NBN: variants seen among roughly 807,000 people sequenced by gnomAD.
NBN encodes nibrin.
A neutral mutation model predicts 90.8 loss-of-function variants in NBN; 88 were observed. The observed-to-expected ratio is 0.97, with a 90% CI of 0.82 to 1.16. The LOEUF is 1.16. NBN is among the 50% of genes most tolerant of loss of function. The pLI is 0.00. For synonymous variants in NBN, 328 were observed against 295.1 expected (o/e 1.11, Z -1.14); for missense variants, 894 against 869.6 (o/e 1.03, Z -0.35).
chr8:89,971,709 A>G (rs1811524903), intron 5 of NBN, among the ~76,000 whole-genome samples: 1 of 152,218 alleles, frequency 6.6e-6, no homozygotes. Flanking sequence ...TTCTACTAGC[A>G]CAATCTATTA....
chr8:89,981,735 C>T lies in NBN; in HGVS notation c.172-212G>A. On this transcript the variant is annotated intron_variant, in intron 2 of 15. Transcript: ENST00000265433. ...AGTTTCTTAACCCAGGAATACCCCT[C>T]CTAGAACACACATGTTCTTTATTTG... The T allele has an allele frequency of 1.4e-5, 8 of 581,112 alleles. 1 individual carries two copies. The South Asian group carries it at 1.6e-4, about 12-fold the overall frequency. The allele number at this position is 581,112 out of a possible 1,614,324, so 36.0% of individuals were successfully genotyped here. A position where few individuals can be genotyped will look rare whatever the true frequency, so the allele number is the denominator to read the frequency against.
At chr8:89,960,215 A>G (rs1287340156) in intron 8 of NBN, among the ~76,000 whole-genome samples, 1 of 152,234 alleles carries the variant, frequency 6.6e-6, no homozygotes, top group African/African-American at 2.4e-5. Flanking sequence ...AAATTCAGAT[A>G]TTTAAATGAC....
chr8:89,972,584 C>A (rs972435243), intron 5 of NBN, among the ~76,000 whole-genome samples: 34 of 152,188 alleles, frequency 2.2e-4, no homozygotes, highest in African/African-American at 8.0e-4. Flanking sequence ...AGTAGACATT[C>A]GGACACATAA....
At chr8:89,972,578 G>C (rs1811566488) in intron 5 of NBN, among the ~76,000 whole-genome samples, 1 of 152,232 alleles carries the variant, frequency 6.6e-6, no homozygotes, top group South Asian at 2.1e-4. Flanking sequence ...AAAGTTAGTA[G>C]ACATTCGGAC....
intron 7 of NBN, among the ~76,000 whole-genome samples, chr8:89,965,676 G>C (rs1811221629): frequency 6.6e-6 from 1 of 152,060 alleles, no homozygotes; most frequent in Non-Finnish European, 1.5e-5. Flanking sequence ...TTTTAGTAGA[G>C]ATGGGGTTTC....
intron 7 of NBN, among the ~76,000 whole-genome samples, chr8:89,966,091 T>C (rs1211850730): frequency 2.0e-5 from 3 of 152,218 alleles, no homozygotes; most frequent in African/African-American, 7.2e-5. Flanking sequence ...AATAATGCTC[T>C]ACAGAAATTA....
chr8:89,955,176 C>T, intron 10 of NBN, 107 bp downstream of exon 10: 1 of 1,114,496 alleles, frequency 9.0e-7, no homozygotes, highest in African/African-American at 1.6e-5. Flanking sequence ...GCTGCAGCAG[C>T]AGAAGCATAC....
chr8:89,946,365 G>A (rs996095344), intron 12 of NBN, 70 bp from the exon 13 acceptor site: 1 of 1,383,714 alleles, frequency 7.2e-7, no homozygotes. Context: ...TGTCATTTGG[G>A]AATCTATAGA....
intron 11 of NBN, among the ~76,000 whole-genome samples, chr8:89,949,227 G>A (rs993835850): frequency 6.6e-6 from 1 of 152,142 alleles, no homozygotes; most frequent in Non-Finnish European, 1.5e-5. Flanking sequence ...TGTGACCTTG[G>A]CAAGTTACTT....
At chr8:89,982,923 A>ATACACT in intron 1 of NBN, 68 bp from the exon 2 acceptor site, 3 of 1,461,246 alleles carry the variant, frequency 2.1e-6, no homozygotes, top group Non-Finnish European at 2.9e-6. Context: ...GAACACACAC[A>ATACACT]TACATGTAAG....
chr8:89,970,940 T>G (rs1224247124), intron 6 of NBN, among the ~76,000 whole-genome samples: 1 of 152,228 alleles, frequency 6.6e-6, no homozygotes, highest in Non-Finnish European at 1.5e-5. Context: ...CTAAGTTTCC[T>G]GTCCTTCTCA....
chr8:89,982,896 CACAT>C (rs1222349856), intron 1 of NBN, 41 bp from the exon 2 acceptor site: 7 of 1,588,232 alleles, frequency 4.4e-6, no homozygotes, highest in Middle Eastern at 1.7e-4. Context: ...AGTTGATAGA[CACAT>C]ACACATGTAC....
At chr8:89,953,823 T>A in intron 10 of NBN, 132 bp from the exon 11 acceptor site, 1 of 732,018 alleles carries the variant, frequency 1.4e-6, no homozygotes, top group Non-Finnish European at 2.2e-6. Context: ...ACAATATTAC[T>A]GGAAATCAAC....
At position 89,984,661 on chromosome 8, in the gene NBN, C is replaced by A; in HGVS notation, c.-100G>T. The A allele has an allele frequency of 1.3e-6, 2 of 1,541,508 alleles. No homozygotes were observed. Among genetic ancestry groups the A allele is most frequent in the Non-Finnish European group, 1.8e-6 (2 of 1,136,352 alleles). On this transcript the variant is annotated 5_prime_UTR_variant, in exon 1 of 16. Transcript: ENST00000265433. ...CCTGCGGTCGGCATGGGCTCCGGGA[C>A]GTGCGCGCTCCCGGGAGCCACGCAG...
chr8:89,949,794 G>T (rs1035244581), intron 11 of NBN, among the ~76,000 whole-genome samples: 3 of 151,912 alleles, frequency 2.0e-5, no homozygotes, highest in Non-Finnish European at 4.4e-5. Flanking sequence ...TCAAAAAATC[G>T]CCAAAAAAAT....
Position 89,984,635 on chromosome 8 carries a change from G to T in NBN, c.-74C>A. On this transcript the variant is annotated 5_prime_UTR_variant, in exon 1 of 16. Coordinates refer to ENST00000265433, the MANE Select transcript of NBN (RefSeq NM_002485.5). Reference sequence around the variant, plus strand: ...GCTGCTAGACGAGCGCGGATACGGCGCCTGCGGTCGGCATGGGCTCCGGGA... The same window carrying T: ...GCTGCTAGACGAGCGCGGATACGGCTCCTGCGGTCGGCATGGGCTCCGGGA... 2 of 1,588,696 alleles carry T rather than the reference G, an allele frequency of 1.3e-6. No individual in the cohort carries two copies. The highest frequency in any genetic ancestry group is 1.7e-6 in the Non-Finnish European group (2 of 1,167,714).
chr8:89,982,941 G>T, intron 1 of NBN, 86 bp from the exon 2 acceptor site: 2 of 1,332,074 alleles, frequency 1.5e-6, no homozygotes, highest in Non-Finnish European at 2.1e-6. Flanking sequence ...AAGTGTATAT[G>T]ATATAGGTAT....
intron 9 of NBN, among the ~76,000 whole-genome samples, chr8:89,956,920 TTAAG>T (rs1205256050): frequency 6.6e-6 from 1 of 152,210 alleles, no homozygotes; most frequent in African/African-American, 2.4e-5. Context: ...GTGCAACCTA[TTAAG>T]TGTCTATGGT....
At chr8:89,970,892 A>C (rs1261127961) in intron 6 of NBN, among the ~76,000 whole-genome samples, 1 of 152,168 alleles carries the variant, frequency 6.6e-6, no homozygotes, top group Non-Finnish European at 1.5e-5. Flanking sequence ...GAGCTTACTA[A>C]CTAAAGAGGT....
Sources: allele counts gnomAD v4.1 joint callset (sites outside exome capture counted in the v4.1 genomes callset), GRCh38; gene constraint gnomAD v4.1.1; transcripts MANE v1.5; gene names NCBI Gene and HGNC (gene_info 2026-07-23, HGNC 2026-07-21).